SYNE2: variants seen among roughly 807,000 people sequenced by gnomAD.
SYNE2 encodes spectrin repeat containing nuclear envelope protein 2.
In SYNE2, 431 loss-of-function variants were observed where a neutral mutation model predicts 856.3. That is an observed-to-expected ratio of 0.50 (90% CI 0.47 to 0.55). SYNE2 has a LOEUF of 0.55. Ranked by LOEUF, SYNE2 falls within the 20% of genes least tolerant of loss-of-function variation. The pLI is 0.00. For missense variants in SYNE2, 8,129 were observed against 8,023.2 expected, an observed-to-expected ratio of 1.01 and a Z score of -0.50; for synonymous variants, 2,923 against 2,872.3, an observed-to-expected ratio of 1.02 and a Z score of -0.56.
At chr14:64,201,441 G>A (rs536083311) in intron 99 of SYNE2, among the ~76,000 whole-genome samples, 201 of 152,296 alleles carry the variant, frequency 1.3e-3, no homozygotes, top group African/African-American at 4.5e-3. Flanking sequence ...GAAACTGGCC[G>A]GCTGCAGCCT....
At chr14:64,035,154 T>C (rs2097076724) in intron 45 of SYNE2, among the ~76,000 whole-genome samples, 1 of 152,044 alleles carries the variant, frequency 6.6e-6, no homozygotes, top group South Asian at 2.1e-4. Flanking sequence ...TGAGCATTTC[T>C]AATTTGATGT....
intron 75 of SYNE2, 31 bp downstream of exon 75, chr14:64,129,932 A>G (rs758774839): frequency 6.2e-7 from 1 of 1,613,940 alleles, no homozygotes; most frequent in African/African-American, 1.3e-5. Flanking sequence ...TTGACTCAGC[A>G]CTGTGATTGT....
At chr14:64,164,874 T>TGTTTG (rs35525746) in intron 89 of SYNE2, among the ~76,000 whole-genome samples, 8 of 150,986 alleles carry the variant, frequency 5.3e-5, no homozygotes, top group African/African-American at 7.3e-5. Flanking sequence ...TTTTGTTTTT[T>TGTTTG]TTTGTTTGTT....
At chr14:64,136,777 G>A (rs1320502468) in intron 78 of SYNE2, among the ~76,000 whole-genome samples, 1 of 151,874 alleles carries the variant, frequency 6.6e-6, no homozygotes, top group Non-Finnish European at 1.5e-5. Flanking sequence ...CCTAGTATTC[G>A]CATCTCATGG....
chr14:64,179,441 T>G (rs1315753094), intron 96 of SYNE2, among the ~76,000 whole-genome samples: 1 of 152,232 alleles, frequency 6.6e-6, no homozygotes, highest in Non-Finnish European at 1.5e-5. Flanking sequence ...GCGCCTGGCC[T>G]ACAATGTAAC....
At position 63,845,833 on chromosome 14, in the gene SYNE2, C is replaced by T. The variant is rs533469026; in HGVS notation, c.-304-6668C>T. 1.2e-4 allele frequency among the ~76,000 whole-genome samples: 18 copies of T among 151,050 alleles called. No individual in the cohort carries two copies. The East Asian group carries it at 3.3e-3, about 28-fold the overall frequency. ...TCAACTCACTGCAACCTTCACCTCCCAGGTTCAGGTGATTCTCCTGCCTCA... is the reference window on the plus strand; with the variant it reads ...TCAACTCACTGCAACCTTCACCTCCTAGGTTCAGGTGATTCTCCTGCCTCA... On this transcript the variant is annotated intron_variant, in intron 1 of 23. Coordinates refer to the SYNE2 transcript ENST00000674003.
chr14:63,914,010 G>C (rs2095506736), intron 2 of SYNE2, among the ~76,000 whole-genome samples: 1 of 152,006 alleles, frequency 6.6e-6, no homozygotes, highest in South Asian at 2.1e-4. Context: ...GCCATAAATG[G>C]CTTCTTTAAA....
At chr14:64,061,006 G>A (rs191159661) in intron 49 of SYNE2, among the ~76,000 whole-genome samples, 2 of 152,214 alleles carry the variant, frequency 1.3e-5, no homozygotes, top group Admixed American at 6.5e-5. Flanking sequence ...TGGGGGATGG[G>A]TGAGGAGTGG....
intron 10 of SYNE2, 108 bp from the exon 11 acceptor site, chr14:63,967,601 A>C (rs994841906): frequency 1.8e-5 from 21 of 1,190,134 alleles, no homozygotes; most frequent in South Asian, 2.8e-5. Flanking sequence ...TTTTACCTTT[A>C]AGTAAAAACT....
At chr14:63,857,786 T>C (rs1244016540) in intron 1 of SYNE2, among the ~76,000 whole-genome samples, 2 of 152,240 alleles carry the variant, frequency 1.3e-5, no homozygotes, top group African/African-American at 4.8e-5. Context: ...CTCAAATTTT[T>C]TGCCCGTTTT....
intron 1 of SYNE2, among the ~76,000 whole-genome samples, chr14:63,810,318 A>G (rs1156587169): frequency 1.3e-5 from 2 of 152,190 alleles, no homozygotes. Context: ...AGCATGTTGA[A>G]TAAGTGATGA....
chr14:64,063,829 C>T (rs2097336220), intron 50 of SYNE2, among the ~76,000 whole-genome samples: 1 of 152,044 alleles, frequency 6.6e-6, no homozygotes, highest in Non-Finnish European at 1.5e-5. Flanking sequence ...TACAGTAGTC[C>T]CCCTTTATCC....
intron 74 of SYNE2, among the ~76,000 whole-genome samples, chr14:64,128,972 C>T (rs2097980836): frequency 6.6e-6 from 1 of 152,214 alleles, no homozygotes; most frequent in Non-Finnish European, 1.5e-5. Context: ...GTTTGAAGTG[C>T]TGAACTTGTA....
intron 61 of SYNE2, 109 bp from the exon 62 acceptor site, chr14:64,097,840 C>T: frequency 8.9e-7 from 1 of 1,129,888 alleles, no homozygotes; most frequent in East Asian, 2.3e-5. Context: ...GCTTTGTAAA[C>T]CAAATAGCAA....
chr14:63,812,607 T>C (rs539546247), intron 1 of SYNE2, among the ~76,000 whole-genome samples: 147 of 152,302 alleles, frequency 9.7e-4, no homozygotes, highest in Middle Eastern at 3.4e-3. Context: ...TCTTCACAAT[T>C]TATGTTCAGG....
intron 2 of SYNE2, among the ~76,000 whole-genome samples, chr14:63,925,845 A>G (rs2095657922): frequency 6.6e-6 from 1 of 151,982 alleles, no homozygotes; most frequent in African/African-American, 2.4e-5. Context: ...ACAGACTCTC[A>G]TCCTTTTTTT....
intron 104 of SYNE2, 99 bp downstream of exon 104, chr14:64,212,197 T>C (rs2098645198): frequency 1.3e-6 from 2 of 1,585,392 alleles, no homozygotes; most frequent in Non-Finnish European, 1.7e-6. Context: ...GAGAGCAAAT[T>C]TCAGAATTCT....
At chr14:64,010,919 A>C (rs1291430383) in intron 32 of SYNE2, among the ~76,000 whole-genome samples, 1 of 152,220 alleles carries the variant, frequency 6.6e-6, no homozygotes, top group Non-Finnish European at 1.5e-5. Flanking sequence ...GTTTATAGGC[A>C]TGAGTCACCA....
In SYNE2 at chr14:64,143,932, G is replaced by T; in HGVS notation, c.15467G>T (p.Gly5156Val). 6.2e-7 allele frequency: 1 copy of T among 1,614,164 alleles called. No homozygotes were observed. The highest frequency in any genetic ancestry group is 8.5e-7 in the Non-Finnish European group (1 of 1,180,014). The change falls in exon 83 of 116, where the codon GGA (glycine) becomes GTA (valine). Residue 5156 changes from glycine to valine, a missense_variant. Coordinates refer to ENST00000555002, the MANE Select transcript of SYNE2 (RefSeq NM_182914.3). ...EMNRQWHRVH[G>V]MLNRKIQHLE... The stretch of plus-strand genomic sequence containing the variant: ...AACCGCCAGTGGCACCGTGTACATG[G>T]AATGCTGAATAGAAAGGTGTGTTCC...
Sources: gnomAD v4.1 joint callset for allele counts (sites outside exome capture counted in the v4.1 genomes callset) on GRCh38, gnomAD v4.1.1 for gene constraint, MANE v1.5 for transcripts, NCBI Gene and HGNC (gene_info 2026-07-23, HGNC 2026-07-21) for gene names.